SEMA5A: variants seen among roughly 807,000 people sequenced by gnomAD.
The protein encoded by SEMA5A is semaphorin-5A.
In SEMA5A, 55 loss-of-function variants were observed where a neutral mutation model predicts 135.5. The observed-to-expected ratio is 0.41, with a 90% CI of 0.33 to 0.51. The LOEUF (loss-of-function observed/expected upper bound fraction) is 0.51, where lower values mean the gene tolerates loss of function less well. Among genes scored for constraint, SEMA5A ranks in the 20% least tolerant of loss-of-function variants. SEMA5A has a pLI of 0.37. For missense variants in SEMA5A, 1,290 were observed against 1,419.9 expected (o/e 0.91, Z 1.47); for synonymous variants, 580 against 546.5 (o/e 1.06, Z -0.85).
chr5:9,123,742 T>C (rs1022729653), intron 13 of SEMA5A, among the ~76,000 whole-genome samples: 3 of 152,204 alleles, frequency 2.0e-5, no homozygotes, highest in African/African-American at 7.2e-5. Flanking sequence ...AAAGAGTATC[T>C]ATTAAGCAGC....
chr5:9,134,465 C>T (rs373486247), intron 13 of SEMA5A, among the ~76,000 whole-genome samples: 70 of 152,246 alleles, frequency 4.6e-4, no homozygotes, highest in African/African-American at 1.6e-3. Context: ...CATTTAATGA[C>T]TAAAGACATA....
chr5:9,390,715 T>C (rs1479169572), intron 2 of SEMA5A, among the ~76,000 whole-genome samples: 1 of 150,414 alleles, frequency 6.6e-6, no homozygotes, highest in Non-Finnish European at 1.5e-5. Flanking sequence ...AGAGCACTAA[T>C]CACCATTTTT....
At chr5:9,509,186 A>G (rs1736070684) in intron 1 of SEMA5A, among the ~76,000 whole-genome samples, 1 of 151,908 alleles carries the variant, frequency 6.6e-6, no homozygotes, top group African/African-American at 2.4e-5. Context: ...GGAATTTGGA[A>G]AGTTCACTTT....
intron 1 of SEMA5A, among the ~76,000 whole-genome samples, chr5:9,481,832 G>A (rs140398323): frequency 2.4e-4 from 36 of 152,220 alleles, no homozygotes; most frequent in Non-Finnish European, 3.8e-4. Context: ...ACTTGTCCTC[G>A]ATATCTAAAC....
intron 1 of SEMA5A, among the ~76,000 whole-genome samples, chr5:9,477,247 A>G (rs1759702837): frequency 6.6e-6 from 1 of 152,176 alleles, no homozygotes; most frequent in African/African-American, 2.4e-5. Context: ...TTTTCTTTAT[A>G]AATTACCAAA....
In SEMA5A at chr5:9,333,943, A is replaced by G. The variant is rs143233052; in HGVS notation, c.224+3770T>C. Among the ~76,000 whole-genome samples, 3 of 152,138 alleles carry G rather than the reference A, an allele frequency of 2.0e-5. No individual in the cohort carries two copies. The East Asian group carries it at 5.8e-4, about 29-fold the overall frequency. ...GGGGGAAAACAAGATATGACTGTTG[A>G]TGCATTTAACATAATACGAAAGTTC... On this transcript the variant is annotated intron_variant, in intron 4 of 22. Coordinates refer to ENST00000382496, the MANE Select transcript of SEMA5A (RefSeq NM_003966.3).
intron 5 of SEMA5A, among the ~76,000 whole-genome samples, chr5:9,268,433 C>T (rs1170385165): frequency 1.3e-5 from 2 of 152,176 alleles, no homozygotes; most frequent in Non-Finnish European, 2.9e-5. Context: ...ACACAGAAAA[C>T]GGCGTCATGA....
rs187893345 is a variant in SEMA5A at position 9,438,768 on chromosome 5, G to A, written c.-174-916C>T. Among the ~76,000 whole-genome samples the A allele has an allele frequency of 5.0e-3, 755 of 152,320 alleles. 6 individuals are homozygous for A. Among genetic ancestry groups the A allele is most frequent in the African/African-American group, 0.017 (723 of 41,564 alleles). ...TCGCCACCCTGAAGAAGGGAAAATG[G>A]GAGAAAGAACTTCCCAGAACATTCT... is the stretch of plus-strand genomic sequence containing the variant. On this transcript the variant is annotated intron_variant, in intron 1 of 22. Transcript: ENST00000382496.
chr5:9,050,593 A>T (rs1384900260), intron 20 of SEMA5A, 136 bp from the exon 21 acceptor site: 1 of 768,950 alleles, frequency 1.3e-6, no homozygotes. Flanking sequence ...TAATTATCAG[A>T]AAAATTCTAC....
At chr5:9,388,513 C>T (rs1009730954) in intron 2 of SEMA5A, among the ~76,000 whole-genome samples, 1 of 151,514 alleles carries the variant, frequency 6.6e-6, no homozygotes, top group African/African-American at 2.4e-5. Flanking sequence ...AAATAATGGG[C>T]TTTCAAGGCA....
chr5:9,147,498 C>T (rs1324433920), intron 12 of SEMA5A, among the ~76,000 whole-genome samples: 1 of 152,102 alleles, frequency 6.6e-6, no homozygotes, highest in African/African-American at 2.4e-5. Context: ...TCTCGAACTC[C>T]TGACCTCTTG....
intron 1 of SEMA5A, among the ~76,000 whole-genome samples, chr5:9,480,534 G>C (rs1217129760): frequency 6.6e-6 from 1 of 152,144 alleles, no homozygotes; most frequent in East Asian, 1.9e-4. Flanking sequence ...ATTCGTTTTT[G>C]GTGGCAACCC....
At chr5:9,495,769 T>G (rs1735271897) in intron 1 of SEMA5A, among the ~76,000 whole-genome samples, 1 of 152,222 alleles carries the variant, frequency 6.6e-6, no homozygotes, top group Non-Finnish European at 1.5e-5. Context: ...AAATAATAAA[T>G]CAGACTATTT....
At position 9,379,866 on chromosome 5, in the gene SEMA5A, C is replaced by T; in HGVS notation, c.81G>A (p.Thr27=). 2.5e-6 allele frequency: 4 copies of T among 1,613,982 alleles called. No homozygotes were observed. Among genetic ancestry groups the T allele is most frequent in the Non-Finnish European group, 1.7e-6 (2 of 1,179,980 alleles). The part of the protein sequence containing the change: ...WRLAHPEAQG[T]TQCQRTEHPV... ...GATGCTCGGTTCTCTGGCACTGAGT[C>T]GTACCCTGGGCCTCTGGGTGGGCGA... is the stretch of plus-strand genomic sequence containing the variant. Residue 27 remains threonine, a synonymous_variant, in exon 3 of 23, where the codon ACG becomes ACA. Coordinates refer to ENST00000382496, the MANE Select transcript of SEMA5A (RefSeq NM_003966.3).
At chr5:9,095,311 G>A (rs1306295873) in intron 16 of SEMA5A, among the ~76,000 whole-genome samples, 1 of 151,982 alleles carries the variant, frequency 6.6e-6, no homozygotes, top group Non-Finnish European at 1.5e-5. Context: ...ATGGGTTGAT[G>A]GGTGCAGCAA....
Position 9,042,003 on chromosome 5 carries a change from GGA to G in SEMA5A, c.*892_*893del, listed in dbSNP as rs1339294287. 1.3e-5 allele frequency: 2 copies of G among 152,194 alleles called. No individual in the cohort carries two copies. Among genetic ancestry groups the G allele is most frequent in the South Asian group, 4.2e-4 (2 of 4,818 alleles). 9.4% of individuals were successfully genotyped at this position (152,194 alleles called of 1,614,324 possible). On this transcript the variant is annotated 3_prime_UTR_variant, in exon 23 of 23. Coordinates refer to ENST00000382496, the MANE Select transcript of SEMA5A (RefSeq NM_003966.3). ...AAATGTTCAAGATTTTTCTTTGCAG[GGA>G]GAGAGAAGGCATGGAGTCTATCCAA... is the stretch of plus-strand genomic sequence containing the variant.
At chr5:9,254,196 T>C (rs1457431000) in intron 5 of SEMA5A, among the ~76,000 whole-genome samples, 2 of 152,188 alleles carry the variant, frequency 1.3e-5, no homozygotes, top group Non-Finnish European at 2.9e-5. Flanking sequence ...GAATTTGGGA[T>C]ATAATATGAG....
intron 15 of SEMA5A, among the ~76,000 whole-genome samples, chr5:9,110,479 G>A (rs887873754): frequency 6.6e-6 from 1 of 152,200 alleles, no homozygotes; most frequent in African/African-American, 2.4e-5. Context: ...AAACGGCGAT[G>A]GTGTTGGAAA....
At chr5:9,080,654 A>T (rs908643257) in intron 16 of SEMA5A, among the ~76,000 whole-genome samples, 1 of 152,072 alleles carries the variant, frequency 6.6e-6, no homozygotes, top group African/African-American at 2.4e-5. Context: ...GTAACGATGT[A>T]GTTTGCACTA....
Sources: gnomAD v4.1 joint callset for allele counts (sites outside exome capture counted in the v4.1 genomes callset) on GRCh38, gnomAD v4.1.1 for gene constraint, MANE v1.5 for transcripts, NCBI Gene and HGNC (gene_info 2026-07-23, HGNC 2026-07-21) for gene names.